Variants in CNTNAP2 observed in about 807,000 individuals in gnomAD.
The protein encoded by CNTNAP2 is contactin-associated protein-like 2.
A neutral mutation model predicts 155.2 loss-of-function variants in CNTNAP2; 98 were observed. The observed-to-expected ratio is 0.63, with a 90% CI of 0.54 to 0.75. CNTNAP2 has a LOEUF of 0.75. Ranked by LOEUF, CNTNAP2 falls within the 30% of genes least tolerant of loss-of-function variation. The probability of loss-of-function intolerance (pLI) is 0.00; values close to 1 mark genes in which losing one functional copy is unlikely to be tolerated. For missense variants in CNTNAP2, 1,727 were observed against 1,688.1 expected, an observed-to-expected ratio of 1.02 and a Z score of -0.40; for synonymous variants, 651 against 631.2, an observed-to-expected ratio of 1.03 and a Z score of -0.47.
chr7:146,125,351 C>A (rs1013820564), intron 1 of CNTNAP2, among the ~76,000 whole-genome samples: 1 of 151,824 alleles, frequency 6.6e-6, no homozygotes. Flanking sequence ...CTGAGACAGG[C>A]GGATCACGAG....
At chr7:146,921,728 G>T (rs1524336) in intron 3 of CNTNAP2, among the ~76,000 whole-genome samples, 5,705 of 152,186 alleles carry the variant, frequency 0.037, 127 homozygotes, top group Middle Eastern at 0.086. Context: ...AATTCAAGAT[G>T]AGATTTGGGG....
At chr7:146,345,458 G>A (rs138656198) in intron 1 of CNTNAP2, among the ~76,000 whole-genome samples, 136 of 152,130 alleles carry the variant, frequency 8.9e-4, no homozygotes, top group African/African-American at 3.2e-3. Flanking sequence ...ATCTCAATAC[G>A]CCACTCAGCA....
intron 1 of CNTNAP2, among the ~76,000 whole-genome samples, chr7:146,713,937 A>T (rs969188764): frequency 6.6e-6 from 1 of 152,190 alleles, no homozygotes; most frequent in African/African-American, 2.4e-5. Context: ...TAGCATATGT[A>T]TATAAAAAGT....
rs530436306 is a variant in CNTNAP2, at chr7:146,343,968, G to A, written c.97+226995G>A. Among the ~76,000 whole-genome samples the A allele has an allele frequency of 8.6e-5, 13 of 152,014 alleles. No individual in the cohort carries two copies. The South Asian group carries it at 1.2e-3, about 15-fold the overall frequency. ...TATAAATATTTTATCATAGTTTTCTGTAGTTTTCAAAATATCATATTTGTG... is the reference window on the plus strand; with the variant it reads ...TATAAATATTTTATCATAGTTTTCTATAGTTTTCAAAATATCATATTTGTG... On this transcript the variant is annotated intron_variant, in intron 1 of 23. Transcript: ENST00000361727.
At chr7:147,077,496 G>A (rs1584822554) in intron 4 of CNTNAP2, among the ~76,000 whole-genome samples, 1 of 152,112 alleles carries the variant, frequency 6.6e-6, no homozygotes. Flanking sequence ...CAAGATCCCC[G>A]TACTTCCTGA....
At chr7:147,659,829 T>A (rs1402422278) in intron 13 of CNTNAP2, among the ~76,000 whole-genome samples, 1 of 152,160 alleles carries the variant, frequency 6.6e-6, no homozygotes, top group Non-Finnish European at 1.5e-5. Context: ...ATTTGCATAC[T>A]GCCTTTTTCC....
chr7:147,009,382 C>A lies in CNTNAP2; in HGVS notation c.403-34525C>A, dbSNP rs79264690. Among the ~76,000 whole-genome samples, 133 of 152,214 alleles carry A rather than the reference C, an allele frequency of 8.7e-4. 1 individual carries two copies. In the East Asian group the frequency reaches 0.022, roughly 25 times the overall value. On this transcript the variant is annotated intron_variant, in intron 3 of 23. Coordinates refer to ENST00000361727, the MANE Select transcript of CNTNAP2 (RefSeq NM_014141.6). ...AAAAATCAAGCCATATAATGTCTAACAAAATTGGTGGTTATTATATGGTAG... is the reference window on the plus strand; with the variant it reads ...AAAAATCAAGCCATATAATGTCTAAAAAAATTGGTGGTTATTATATGGTAG...
chr7:146,192,555 G>A (rs145578328), intron 1 of CNTNAP2, among the ~76,000 whole-genome samples: 1 of 152,148 alleles, frequency 6.6e-6, no homozygotes, highest in African/African-American at 2.4e-5. Flanking sequence ...TAACACCATC[G>A]TATCTCATGC....
At chr7:146,267,255 A>G (rs903749097) in intron 1 of CNTNAP2, among the ~76,000 whole-genome samples, 1 of 152,132 alleles carries the variant, frequency 6.6e-6, no homozygotes, top group Non-Finnish European at 1.5e-5. Context: ...ATATTCATAT[A>G]GCAATTAATA....
intron 1 of CNTNAP2, among the ~76,000 whole-genome samples, chr7:146,201,759 T>C (rs1249312344): frequency 1.3e-5 from 2 of 152,040 alleles, no homozygotes; most frequent in African/African-American, 4.8e-5. Context: ...CATACATAAT[T>C]TTTCTTTAGT....
Position 147,218,310 on chromosome 7 carries a change from A to T in CNTNAP2, c.1349-81831A>T, listed in dbSNP as rs143620787. On this transcript the variant is annotated intron_variant, in intron 8 of 23. Transcript: ENST00000361727. ...TCCCTCAAAGCATTGTTTTTACTAC[A>T]TCCAACAAATGTTAATAAATTATAT... 4.2e-3 allele frequency among the ~76,000 whole-genome samples: 633 copies of T among 151,842 alleles called. 8 individuals carry two copies. The highest frequency in any genetic ancestry group is 0.037 in the East Asian group (190 of 5,182).
At chr7:148,211,124 A>C (rs1795541013) in intron 18 of CNTNAP2, among the ~76,000 whole-genome samples, 1 of 152,232 alleles carries the variant, frequency 6.6e-6, no homozygotes, top group East Asian at 1.9e-4. Context: ...CTAATTAAAA[A>C]GCAGTTAATG....
intron 1 of CNTNAP2, among the ~76,000 whole-genome samples, chr7:146,430,175 G>GT (rs60402262): frequency 1.8e-3 from 260 of 145,784 alleles, no homozygotes; most frequent in South Asian, 2.4e-3. Context: ...TTTGCCTGAA[G>GT]TTTTTTTTTT....
chr7:148,163,833 T>A (rs1805597131), intron 17 of CNTNAP2, among the ~76,000 whole-genome samples: 1 of 152,246 alleles, frequency 6.6e-6, no homozygotes, highest in East Asian at 1.9e-4. Flanking sequence ...TTTAACTCTC[T>A]ACACCACTGA....
chr7:147,467,587 A>G (rs1798142506), intron 10 of CNTNAP2, among the ~76,000 whole-genome samples: 1 of 152,208 alleles, frequency 6.6e-6, no homozygotes. Context: ...AATGCTCACC[A>G]TTTGGGCGAC....
At chr7:146,953,189 G>C (rs1797358178) in intron 3 of CNTNAP2, among the ~76,000 whole-genome samples, 1 of 152,012 alleles carries the variant, frequency 6.6e-6, no homozygotes, top group East Asian at 1.9e-4. Context: ...GAGAAAAAGA[G>C]CCATATAATA....
At chr7:147,593,922 ATT>A (rs1362090682) in intron 12 of CNTNAP2, among the ~76,000 whole-genome samples, 1 of 152,148 alleles carries the variant, frequency 6.6e-6, no homozygotes, top group African/African-American at 2.4e-5. Context: ...TCCTAAGTGA[ATT>A]TTGTGTAGTA....
chr7:146,380,548 C>G (rs181432337), intron 1 of CNTNAP2, among the ~76,000 whole-genome samples: 115 of 152,150 alleles, frequency 7.6e-4, no homozygotes, highest in Admixed American at 3.2e-3. Context: ...ATCATAGTAA[C>G]TGATCTTATC....
At position 147,703,104 on chromosome 7, in the gene CNTNAP2, C is replaced by T. The variant is rs538023647; in HGVS notation, c.2098+63798C>T. 1.9e-4 allele frequency among the ~76,000 whole-genome samples: 29 copies of T among 152,230 alleles called. No individual in the cohort carries two copies. In the East Asian group the frequency reaches 5.4e-3, roughly 28 times the overall value. On this transcript the variant is annotated intron_variant, in intron 13 of 23. Transcript: ENST00000361727. ...GTCCTCTTCAGTTCTGATGACCTGC[C>T]CATTCTAACCACTGCGCCTGTTTCC...
Sources: allele counts gnomAD v4.1 joint callset (sites outside exome capture counted in the v4.1 genomes callset), GRCh38; gene constraint gnomAD v4.1.1; transcripts MANE v1.5; gene names NCBI Gene and HGNC (gene_info 2026-07-23, HGNC 2026-07-21).